The following COL4A2 variants were observed in gnomAD, a reference collection of about 807,000 sequenced individuals.
COL4A2 encodes collagen alpha-2(IV) chain.
In COL4A2, 99 loss-of-function variants were observed where a neutral mutation model predicts 200.2. That is an observed-to-expected ratio of 0.49 (90% CI 0.42 to 0.58). The LOEUF is 0.58. COL4A2 is among the 20% of genes least tolerant of loss of function. COL4A2 has a pLI of 0.00. For missense variants in COL4A2, 1,950 were observed against 2,314.1 expected (o/e 0.84, Z 3.23); for synonymous variants, 897 against 900.6 (o/e 1.00, Z 0.07).
chr13:110,501,566 C>G, intron 40 of COL4A2, 102 bp from the exon 41 acceptor site: 2 of 1,077,088 alleles, frequency 1.9e-6, no homozygotes, highest in Non-Finnish European at 2.8e-6. Flanking sequence ...GTCTCGCTCG[C>G]TAGGCTCTGG....
At chr13:110,503,631 T>G in intron 43 of COL4A2, 150 bp downstream of exon 43, 1 of 718,108 alleles carries the variant, frequency 1.4e-6, no homozygotes, top group South Asian at 1.9e-5. Context: ...GTGCCTCGGA[T>G]GTTGTCACAG....
chr13:110,379,978 G>A (rs61963169), intron 4 of COL4A2, among the ~76,000 whole-genome samples: 3,736 of 152,218 alleles, frequency 0.025, 81 homozygotes, highest in Middle Eastern at 0.11. Context: ...GCTCTCTCCC[G>A]TGTCCCAGTG....
At chr13:110,496,324 TCA>T (rs1044934358) in intron 40 of COL4A2, among the ~76,000 whole-genome samples, 99 of 152,320 alleles carry the variant, frequency 6.5e-4, no homozygotes, top group African/African-American at 1.9e-3. Flanking sequence ...GGCTTGCAGA[TCA>T]CATCTCACTC....
chr13:110,449,775 C>T lies in COL4A2; in HGVS notation c.1175C>T (p.Ser392Phe), dbSNP rs1347479950. 6.5e-7 allele frequency: 1 copy of T among 1,548,384 alleles called. No individual in the cohort carries two copies. The change falls in exon 19 of 48, where the codon TCC becomes TTC. Residue 392 changes from serine to phenylalanine, a missense_variant. By Grantham distance (155) the Ser-to-Phe change is radical. Transcript: ENST00000360467. ...DPGLPGPPGL[S>F]IGDGDQRRGL... ...GGCCTCCCAGGTCCCCCTGGCCTCT[C>T]CATCGGAGATGGAGGTAATGTGGCT...
intron 4 of COL4A2, among the ~76,000 whole-genome samples, chr13:110,411,855 A>G (rs1253519052): frequency 1.3e-5 from 2 of 152,186 alleles, no homozygotes; most frequent in Non-Finnish European, 2.9e-5. Context: ...TCTCTTTCAT[A>G]TACCAGCCAA....
At chr13:110,403,157 A>C (rs1879437301) in intron 4 of COL4A2, among the ~76,000 whole-genome samples, 1 of 152,072 alleles carries the variant, frequency 6.6e-6, no homozygotes, top group South Asian at 2.1e-4. Flanking sequence ...TCTCTTTATC[A>C]AATGTTTGCT....
chr13:110,484,469 A>G (rs1268027816), intron 32 of COL4A2, among the ~76,000 whole-genome samples: 1 of 151,560 alleles, frequency 6.6e-6, no homozygotes, highest in African/African-American at 2.4e-5. Context: ...CCTCCCTTCC[A>G]TGCTTCTCCT....
chr13:110,341,846 C>T (rs1203790632), intron 3 of COL4A2, among the ~76,000 whole-genome samples: 3 of 152,110 alleles, frequency 2.0e-5, no homozygotes, highest in Non-Finnish European at 2.9e-5. Context: ...ATAATAAAAG[C>T]GGATATGAAA....
At chr13:110,506,315 C>G in intron 45 of COL4A2, 100 bp from the exon 46 acceptor site, 2 of 1,306,966 alleles carry the variant, frequency 1.5e-6, no homozygotes, top group Non-Finnish European at 2.1e-6. Context: ...CACTCTCTCT[C>G]TCTCTCTCAG....
chr13:110,450,062 A>T (rs1881479219), intron 19 of COL4A2, among the ~76,000 whole-genome samples: 1 of 152,222 alleles, frequency 6.6e-6, no homozygotes, highest in South Asian at 2.1e-4. Context: ...AGAACGGAGA[A>T]TCATCAGGTG....
intron 4 of COL4A2, among the ~76,000 whole-genome samples, chr13:110,400,114 G>C (rs9559789): frequency 0.11 from 16,009 of 152,044 alleles, 1,286 homozygotes; most frequent in East Asian, 0.36. Context: ...TCACTAACTA[G>C]CCAGCCTAGA....
chr13:110,434,540 A>G, intron 12 of COL4A2, 98 bp downstream of exon 12: 1 of 1,284,382 alleles, frequency 7.8e-7, no homozygotes, highest in Non-Finnish European at 1.1e-6. Flanking sequence ...TAAAACTTTT[A>G]CCTTGAGTTG....
chr13:110,442,956 T>A (rs567760057), intron 16 of COL4A2, among the ~76,000 whole-genome samples: 2 of 149,160 alleles, frequency 1.3e-5, no homozygotes, highest in Non-Finnish European at 3.0e-5. Context: ...AAGTCCCCCC[T>A]CAATAGGACC....
chr13:110,496,933 C>G (rs12869268), intron 40 of COL4A2, among the ~76,000 whole-genome samples: 3 of 136,444 alleles, frequency 2.2e-5, no homozygotes, highest in East Asian at 4.5e-4. Context: ...CAGCCTCAGT[C>G]GGGGTGAAGA....
intron 4 of COL4A2, among the ~76,000 whole-genome samples, chr13:110,391,779 G>A (rs951870089): frequency 6.6e-6 from 1 of 152,150 alleles, no homozygotes; most frequent in African/African-American, 2.4e-5. Context: ...CCAGGTGCTC[G>A]CTAAAAGGCA....
intron 3 of COL4A2, among the ~76,000 whole-genome samples, chr13:110,326,047 A>G (rs557973271): frequency 3.8e-3 from 585 of 152,154 alleles, no homozygotes; most frequent in Non-Finnish European, 5.5e-3. Context: ...TGGCCTCCCA[A>G]AGTAGTGGGA....
At chr13:110,468,255 G>T (rs1404828761) in intron 27 of COL4A2, 2 of 471,616 alleles carry the variant, frequency 4.2e-6, no homozygotes, top group East Asian at 6.9e-5. Flanking sequence ...AGAGGTAAAG[G>T]CTCCTTGTGT....
chr13:110,503,340 C>T (rs1435150727), intron 42 of COL4A2, 43 bp from the exon 43 acceptor site: 3 of 1,587,826 alleles, frequency 1.9e-6, no homozygotes, highest in East Asian at 2.2e-5. Flanking sequence ...GGAGCCCCCT[C>T]CCCACAGACT....
At chr13:110,411,554 C>G (rs984404090) in intron 4 of COL4A2, among the ~76,000 whole-genome samples, 1 of 152,106 alleles carries the variant, frequency 6.6e-6, no homozygotes, top group South Asian at 2.1e-4. Flanking sequence ...ATTAATGAGC[C>G]GTGAAATGGC....
Sources: gnomAD v4.1 joint callset for allele counts (sites outside exome capture counted in the v4.1 genomes callset) on GRCh38, gnomAD v4.1.1 for gene constraint, MANE v1.5 for transcripts, NCBI Gene and HGNC (gene_info 2026-07-23, HGNC 2026-07-21) for gene names.